The following STXBP6 variants were observed in gnomAD, a reference collection of about 807,000 sequenced individuals.
The protein encoded by STXBP6 is syntaxin binding protein 6, also known as syntaxin-binding protein 6.
A neutral mutation model predicts 26.9 loss-of-function variants in STXBP6; 21 were observed. The ratio of observed to expected loss-of-function variants is 0.78; its 90% confidence interval spans 0.55 to 1.12. The LOEUF is 1.12. Ranked by LOEUF, STXBP6 falls within the 50% of genes most tolerant of loss-of-function variation. The pLI, the probability that STXBP6 is intolerant of heterozygous loss-of-function variation, is 0.00. For synonymous variants in STXBP6, 97 were observed against 92.6 expected, an observed-to-expected ratio of 1.05 and a Z score of -0.27; for missense variants, 232 against 257.9, an observed-to-expected ratio of 0.90 and a Z score of 0.69.
chr14:24,897,654 G>A (rs12889353), intron 2 of STXBP6, among the ~76,000 whole-genome samples: 51,253 of 151,832 alleles, frequency 0.34, 8,758 homozygotes, highest in African/African-American at 0.41. Flanking sequence ...GAATTCCACA[G>A]TACACCTGGG....
At chr14:24,876,981 CT>C (rs2070167674) in intron 2 of STXBP6, among the ~76,000 whole-genome samples, 1 of 152,174 alleles carries the variant, frequency 6.6e-6, no homozygotes, top group Non-Finnish European at 1.5e-5. Context: ...ACTCTTTAAG[CT>C]TGGCTTCCCT....
At chr14:25,021,538 C>G (rs1450812896) in intron 1 of STXBP6, among the ~76,000 whole-genome samples, 9 of 152,118 alleles carry the variant, frequency 5.9e-5, no homozygotes, top group Non-Finnish European at 1.5e-5. Flanking sequence ...TGGCTTGGCC[C>G]CATCACTCAC....
At chr14:25,014,709 G>A (rs2075108580) in intron 1 of STXBP6, among the ~76,000 whole-genome samples, 1 of 152,232 alleles carries the variant, frequency 6.6e-6, no homozygotes, top group African/African-American at 2.4e-5. Context: ...AGCTGTCTCT[G>A]AACCGTAGAC....
At chr14:24,832,745 T>C (rs2068492994) in intron 4 of STXBP6, among the ~76,000 whole-genome samples, 1 of 152,162 alleles carries the variant, frequency 6.6e-6, no homozygotes, top group African/African-American at 2.4e-5. Context: ...CAAAAACATT[T>C]TCAATTCATA....
intron 2 of STXBP6, among the ~76,000 whole-genome samples, chr14:24,928,004 G>A (rs1462520326): frequency 6.6e-6 from 1 of 152,140 alleles, no homozygotes; most frequent in Non-Finnish European, 1.5e-5. Context: ...ACTGAGTGGA[G>A]GAAGGGATGA....
At chr14:24,897,949 T>C (rs955626301) in intron 2 of STXBP6, among the ~76,000 whole-genome samples, 2 of 152,184 alleles carry the variant, frequency 1.3e-5, no homozygotes, top group Non-Finnish European at 2.9e-5. Context: ...ACAAAGGGTA[T>C]AATGCTACTG....
chr14:24,841,852 C>T (rs2139028456), intron 4 of STXBP6, among the ~76,000 whole-genome samples: 1 of 152,062 alleles, frequency 6.6e-6, no homozygotes. Context: ...TACTTAAAGT[C>T]ATTATTGGAG....
chr14:24,824,251 C>T (rs898470512), intron 4 of STXBP6, among the ~76,000 whole-genome samples: 1 of 152,182 alleles, frequency 6.6e-6, no homozygotes, highest in Non-Finnish European at 1.5e-5. Context: ...AGTCCCAAAG[C>T]TACTCAGTGT....
chr14:25,034,921 G>C (rs1266486339), intron 1 of STXBP6, among the ~76,000 whole-genome samples: 1 of 151,976 alleles, frequency 6.6e-6, no homozygotes, highest in Non-Finnish European at 1.5e-5. Flanking sequence ...GAGGCCAAGG[G>C]GGGCAGATCA....
chr14:24,911,636 C>CA, intron 2 of STXBP6, among the ~76,000 whole-genome samples: 1 of 152,198 alleles, frequency 6.6e-6, no homozygotes, highest in Non-Finnish European at 1.5e-5. Flanking sequence ...GCCCAACAGT[C>CA]AGTCATTTGC....
intron 2 of STXBP6, among the ~76,000 whole-genome samples, chr14:24,973,945 A>G (rs1015401196): frequency 1.3e-5 from 2 of 152,194 alleles, no homozygotes; most frequent in East Asian, 3.8e-4. Flanking sequence ...ATCACTCCAT[A>G]CAAGAAATAT....
intron 2 of STXBP6, among the ~76,000 whole-genome samples, chr14:24,863,970 C>G (rs1299445236): frequency 6.6e-6 from 1 of 152,124 alleles, no homozygotes; most frequent in Non-Finnish European, 1.5e-5. Context: ...CTGAGCAAGA[C>G]AGTAAATGCC....
At chr14:24,999,919 C>T (rs1290103948) in intron 1 of STXBP6, among the ~76,000 whole-genome samples, 1 of 152,152 alleles carries the variant, frequency 6.6e-6, no homozygotes, top group Non-Finnish European at 1.5e-5. Context: ...AAGGACAACA[C>T]TGATTTAGCT....
intron 4 of STXBP6, among the ~76,000 whole-genome samples, chr14:24,828,056 T>C (rs7157069): frequency 6.6e-6 from 1 of 151,518 alleles, no homozygotes; most frequent in African/African-American, 2.4e-5. Context: ...CCAGCATCAG[T>C]ATTGAAATGC....
chr14:24,926,938 TA>T (rs33991257), intron 2 of STXBP6, among the ~76,000 whole-genome samples: 7 of 150,674 alleles, frequency 4.6e-5, no homozygotes, highest in East Asian at 3.9e-4. Context: ...TGCTGCTATT[TA>T]AAAAAAAAAT....
intron 1 of STXBP6, among the ~76,000 whole-genome samples, chr14:25,044,512 C>G (rs1209306016): frequency 1.3e-5 from 2 of 152,186 alleles, no homozygotes; most frequent in South Asian, 4.1e-4. Context: ...TCCAGGCACC[C>G]CTGACTGCTT....
At chr14:25,011,158 G>T (rs1566560118) in intron 1 of STXBP6, among the ~76,000 whole-genome samples, 1 of 151,398 alleles carries the variant, frequency 6.6e-6, no homozygotes, top group African/African-American at 2.5e-5. Flanking sequence ...TTCCAACAAA[G>T]AAATTTATAT....
chr14:25,022,209 T>A (rs188836781), intron 1 of STXBP6, among the ~76,000 whole-genome samples: 5 of 152,316 alleles, frequency 3.3e-5, no homozygotes, highest in Admixed American at 2.0e-4. Flanking sequence ...TTAATCGATA[T>A]GATTAGGGCC....
intron 1 of STXBP6, among the ~76,000 whole-genome samples, chr14:25,027,721 G>A (rs965744721): frequency 6.6e-6 from 1 of 152,240 alleles, no homozygotes; most frequent in Non-Finnish European, 1.5e-5. Flanking sequence ...CATGTCGAAA[G>A]CCAGGACAGG....
Sources: gnomAD v4.1 joint callset for allele counts (sites outside exome capture counted in the v4.1 genomes callset) on GRCh38, gnomAD v4.1.1 for gene constraint, MANE v1.5 for transcripts, NCBI Gene and HGNC (gene_info 2026-07-23, HGNC 2026-07-21) for gene names.